The following CHRNA7 variants were observed in gnomAD, a reference collection of about 807,000 sequenced individuals.
CHRNA7 encodes the protein neuronal acetylcholine receptor subunit alpha-7.
Under a neutral mutation model 48.0 loss-of-function variants are expected in CHRNA7, and 17 were observed. The ratio of observed to expected loss-of-function variants is 0.35; its 90% CI spans 0.24 to 0.53. CHRNA7 has a LOEUF of 0.53. Among genes scored for constraint, CHRNA7 ranks in the 20% least tolerant of loss-of-function variants. The pLI, the probability that CHRNA7 is intolerant of heterozygous loss-of-function variation, is 0.92. For synonymous variants in CHRNA7, 75 were observed against 242.3 expected (o/e 0.31, Z 6.41); for missense variants, 155 against 577.7 (o/e 0.27, Z 7.50).
intron 4 of CHRNA7, among the ~76,000 whole-genome samples, chr15:32,126,392 A>G (rs550794396): frequency 6.6e-6 from 1 of 152,286 alleles, no homozygotes; most frequent in African/African-American, 2.4e-5. Flanking sequence ...ACATTGACAC[A>G]ATCTCTTTAT....
chr15:32,042,267 C>T (rs1296968118), intron 2 of CHRNA7, among the ~76,000 whole-genome samples: 5 of 152,148 alleles, frequency 3.3e-5, no homozygotes, highest in East Asian at 3.9e-4. Flanking sequence ...CACTTGAGTG[C>T]GATAGGATGG....
intron 2 of CHRNA7, among the ~76,000 whole-genome samples, chr15:32,062,309 ATT>A (rs950672710): frequency 2.5e-4 from 38 of 152,292 alleles, no homozygotes; most frequent in African/African-American, 8.4e-4. Flanking sequence ...TTACATAATC[ATT>A]TTTGTTTAAA....
At chr15:32,053,797 G>T (rs1000024280) in intron 2 of CHRNA7, among the ~76,000 whole-genome samples, 13 of 152,220 alleles carry the variant, frequency 8.5e-5, no homozygotes, top group African/African-American at 2.2e-4. Flanking sequence ...TTAAAAATTA[G>T]TGCAGAAGAA....
chr15:32,090,870 C>T (rs1514262), intron 2 of CHRNA7, among the ~76,000 whole-genome samples: 145,751 of 152,264 alleles, frequency 0.96, 70,085 homozygotes, highest in East Asian at 1. Context: ...TTTATACACA[C>T]ATTGAATCTT....
chr15:32,096,396 A>G (rs1007251953), intron 2 of CHRNA7, among the ~76,000 whole-genome samples: 1 of 152,140 alleles, frequency 6.6e-6, no homozygotes, highest in African/African-American at 2.4e-5. Flanking sequence ...GTCTTTTGTC[A>G]GACCTACTAT....
chr15:32,144,328 C>T (rs936899733), intron 4 of CHRNA7, among the ~76,000 whole-genome samples: 15 of 152,080 alleles, frequency 9.9e-5, no homozygotes, highest in Non-Finnish European at 5.9e-5. Flanking sequence ...CCGACTTTTC[C>T]CTCTGGCTGC....
intron 4 of CHRNA7, among the ~76,000 whole-genome samples, chr15:32,122,722 T>C (rs1325024334): frequency 6.6e-6 from 1 of 152,188 alleles, no homozygotes; most frequent in Non-Finnish European, 1.5e-5. Flanking sequence ...GCAATACATC[T>C]TTCTCCCCAT....
chr15:32,035,283 C>T (rs1250999859), intron 2 of CHRNA7, among the ~76,000 whole-genome samples: 1 of 152,146 alleles, frequency 6.6e-6, no homozygotes, highest in Non-Finnish European at 1.5e-5. Context: ...GCTGTTTAGT[C>T]AGTCACCTGA....
intron 4 of CHRNA7, among the ~76,000 whole-genome samples, chr15:32,129,627 T>C (rs1292345390): frequency 1.3e-5 from 2 of 151,950 alleles, no homozygotes; most frequent in Non-Finnish European, 2.9e-5. Flanking sequence ...TAGAATACAT[T>C]CGTGGTATTA....
intron 2 of CHRNA7, among the ~76,000 whole-genome samples, chr15:32,090,431 G>T (rs953092461): frequency 6.6e-6 from 1 of 152,148 alleles, no homozygotes; most frequent in Non-Finnish European, 1.5e-5. Flanking sequence ...CTGTCTGGGG[G>T]CTTCTCACTC....
At chr15:32,059,223 C>T (rs1208049320) in intron 2 of CHRNA7, among the ~76,000 whole-genome samples, 7 of 152,062 alleles carry the variant, frequency 4.6e-5, no homozygotes, top group African/African-American at 9.7e-5. Flanking sequence ...AGGCTGGTCT[C>T]GAACTCCTGA....
Position 32,134,856 on chromosome 15 carries a change from A to G in CHRNA7, c.351-19051A>G, listed in dbSNP as rs148173182. On this transcript the variant is annotated intron_variant, in intron 4 of 9. Coordinates refer to ENST00000306901, the MANE Select transcript of CHRNA7 (RefSeq NM_000746.6). The stretch of plus-strand genomic sequence containing the variant: ...AAATTAAAGACAGTGGAGGCATAGA[A>G]TGTCAGATGAGACACAGTTGAAGGA... Among the ~76,000 whole-genome samples the G allele has an allele frequency of 1.2e-3, 189 of 152,386 alleles. 1 individual carries two copies. The highest frequency in any genetic ancestry group is 4.1e-3 in the African/African-American group (169 of 41,596).
chr15:32,053,469 T>A (rs2049728892), intron 2 of CHRNA7, among the ~76,000 whole-genome samples: 1 of 152,194 alleles, frequency 6.6e-6, no homozygotes, highest in Non-Finnish European at 1.5e-5. Flanking sequence ...ATTTCCTTAT[T>A]CAGTTAACAT....
intron 2 of CHRNA7, among the ~76,000 whole-genome samples, chr15:32,085,090 A>G (rs967768447): frequency 6.6e-6 from 1 of 151,938 alleles, no homozygotes; most frequent in Non-Finnish European, 1.5e-5. Context: ...TAGCCTCCCA[A>G]AGTGCTGGGA....
intron 4 of CHRNA7, among the ~76,000 whole-genome samples, chr15:32,132,270 G>A (rs532300189): frequency 5.9e-5 from 9 of 152,170 alleles, no homozygotes; most frequent in African/African-American, 2.2e-4. Context: ...ACCTGTTGGG[G>A]TTTTTTTGGT....
intron 2 of CHRNA7, among the ~76,000 whole-genome samples, chr15:32,032,157 C>T (rs1004797913): frequency 1.3e-5 from 2 of 152,202 alleles, no homozygotes; most frequent in Non-Finnish European, 1.5e-5. Context: ...ACGCTACACT[C>T]GCCTCAAATG....
At chr15:32,101,379 G>T in intron 3 of CHRNA7, 32 bp downstream of exon 3, 1 of 1,568,412 alleles carries the variant, frequency 6.4e-7, no homozygotes, top group Non-Finnish European at 8.6e-7. Flanking sequence ...CTCTCCCATG[G>T]GCTGCAAGAT....
chr15:32,100,079 A>G (rs1271936177), intron 2 of CHRNA7: 1 of 152,152 alleles, frequency 6.6e-6, no homozygotes, highest in Non-Finnish European at 1.5e-5. Context: ...GTCCCTGTCA[A>G]CTGCTTACAT....
chr15:32,060,881 G>A (rs947791071), intron 2 of CHRNA7, among the ~76,000 whole-genome samples: 37 of 152,290 alleles, frequency 2.4e-4, no homozygotes, highest in African/African-American at 8.7e-4. Context: ...ATTGTTGGCT[G>A]CTGAAGCAGG....
Sources: gnomAD v4.1 joint callset for allele counts (sites outside exome capture counted in the v4.1 genomes callset) on GRCh38, gnomAD v4.1.1 for gene constraint, MANE v1.5 for transcripts, NCBI Gene and HGNC (gene_info 2026-07-23, HGNC 2026-07-21) for gene names.